MAML3: variants seen among roughly 807,000 people sequenced by gnomAD.
MAML3 encodes mastermind like transcriptional coactivator 3, also known as mastermind-like protein 3.
A neutral mutation model predicts 101.9 loss-of-function variants in MAML3; 27 were observed. The observed-to-expected ratio is 0.27, with a 90% CI of 0.20 to 0.37. The LOEUF is 0.37. Ranked by LOEUF, MAML3 falls within the 10% of genes least tolerant of loss-of-function variation. MAML3 has a pLI of 1.00. For synonymous variants in MAML3, 501 were observed against 555.9 expected, an observed-to-expected ratio of 0.90 and a Z score of 1.39; for missense variants, 1,316 against 1,444.9, an observed-to-expected ratio of 0.91 and a Z score of 1.45.
At chr4:139,906,133 T>A (rs1001609019) in intron 1 of MAML3, among the ~76,000 whole-genome samples, 1 of 152,122 alleles carries the variant, frequency 6.6e-6, no homozygotes, top group Non-Finnish European at 1.5e-5. Flanking sequence ...TATTTTGAGA[T>A]GGGGGGCGGG....
rs760325561 is a variant in MAML3 at position 139,890,875 on chromosome 4, C to T, written c.561G>A (p.Pro187=). ...QNGACDGNFS[P]TSKRIRKDIS... ...TGTCCTTTCGAATTCGTTTGCTAGTCGGAGAAAAATTCCCATCACAAGCAC... is the reference window on the plus strand; with the variant it reads ...TGTCCTTTCGAATTCGTTTGCTAGTTGGAGAAAAATTCCCATCACAAGCAC... The change falls in exon 2 of 5, where the codon CCG becomes CCA. Residue 187 remains proline (P), a synonymous_variant. Coordinates refer to ENST00000509479, the MANE Select transcript of MAML3 (RefSeq NM_018717.5). The surrounding 1 kb of genome is among the most constrained non-coding windows in gnomAD (Gnocchi z 4.1). 1.3e-5 allele frequency: 21 copies of T among 1,613,580 alleles called. No individual in the cohort carries two copies. The highest frequency in any genetic ancestry group is 8.8e-5 in the South Asian group (8 of 91,026).
chr4:140,095,069 G>T (rs1210558608), intron 1 of MAML3, among the ~76,000 whole-genome samples: 2 of 152,210 alleles, frequency 1.3e-5, no homozygotes. Flanking sequence ...GCCACCCACA[G>T]CCTTGGGGCT....
intron 1 of MAML3, among the ~76,000 whole-genome samples, chr4:140,070,861 A>C (rs1727639619): frequency 6.6e-6 from 1 of 152,166 alleles, no homozygotes; most frequent in South Asian, 2.1e-4. Flanking sequence ...ATTAAACATC[A>C]TTAGGAAGTA....
At chr4:139,797,288 G>A (rs756996471) in intron 2 of MAML3, among the ~76,000 whole-genome samples, 2 of 152,150 alleles carry the variant, frequency 1.3e-5, no homozygotes, top group Non-Finnish European at 2.9e-5. Context: ...CCATCTGAGC[G>A]AACATGTCAG....
chr4:139,840,808 G>A (rs763225617), intron 2 of MAML3, among the ~76,000 whole-genome samples: 1 of 152,160 alleles, frequency 6.6e-6, no homozygotes, highest in Admixed American at 6.5e-5. Context: ...GGTGGCCAGC[G>A]AGCCCTCACA....
intron 1 of MAML3, among the ~76,000 whole-genome samples, chr4:140,132,510 GA>G (rs1476689913): frequency 9.9e-5 from 15 of 152,210 alleles, no homozygotes; most frequent in Admixed American, 9.8e-4. Flanking sequence ...GAGGCTATTA[GA>G]AAAAGGTTAA....
chr4:140,043,927 C>T (rs550434315), intron 1 of MAML3, among the ~76,000 whole-genome samples: 8 of 152,094 alleles, frequency 5.3e-5, no homozygotes, highest in South Asian at 2.1e-4. Context: ...AAGTAAGCAG[C>T]GTCTTTTAAT....
chr4:139,849,016 A>G lies in MAML3; in HGVS notation c.2079+40341T>C, dbSNP rs980659457. 7.2e-5 allele frequency among the ~76,000 whole-genome samples: 11 copies of G among 152,184 alleles called. 1 individual carries two copies. Among genetic ancestry groups the G allele is most frequent in the African/African-American group, 2.7e-4 (11 of 41,452 alleles). On this transcript the variant is annotated intron_variant, in intron 2 of 4. Coordinates refer to ENST00000509479, the MANE Select transcript of MAML3 (RefSeq NM_018717.5). ...TTGTTTCTTTCCCTTCTTGCTCAGC[A>G]ATCTCTATGTCCCCTTTTCACTGCT...
intron 1 of MAML3, among the ~76,000 whole-genome samples, chr4:140,100,923 G>A (rs147952548): frequency 2.8e-4 from 42 of 152,204 alleles, no homozygotes; most frequent in African/African-American, 1.0e-3. Context: ...GGAACCCTGG[G>A]CTTCCCTGTA....
intron 1 of MAML3, among the ~76,000 whole-genome samples, chr4:139,989,462 T>C (rs1734617356): frequency 6.6e-6 from 1 of 152,164 alleles, no homozygotes; most frequent in Non-Finnish European, 1.5e-5. Context: ...ACCCGTATCA[T>C]GCAAATCTGG....
At chr4:139,953,638 A>G (rs1733867721) in intron 1 of MAML3, among the ~76,000 whole-genome samples, 1 of 152,224 alleles carries the variant, frequency 6.6e-6, no homozygotes, top group Admixed American at 6.5e-5. Flanking sequence ...AAAACAAAAC[A>G]CAAGTTCTAA....
At position 139,731,461 on chromosome 4, in the gene MAML3, A is replaced by AAAT. The variant is rs1212260930; in HGVS notation, c.2080-795_2080-794insATT. On this transcript the variant is annotated intron_variant, in intron 2 of 4. Coordinates refer to ENST00000509479, the MANE Select transcript of MAML3 (RefSeq NM_018717.5). ...AAAAAAAAAAAAAAAAAAAAAAAAA[A>AAAT]AAAAAAATTAGCCAGACATGGTGGT... 7.3e-5 allele frequency: 12 copies of AAAT among 165,346 alleles called. 1 individual carries two copies. The highest frequency in any genetic ancestry group is 2.6e-4 in the Admixed American group (4 of 15,246). The allele number at this position is 165,346 out of a possible 1,614,324, so 10.2% of individuals were successfully genotyped here.
chr4:139,815,471 TAAAAG>T (rs1246250856), intron 2 of MAML3, among the ~76,000 whole-genome samples: 2 of 152,130 alleles, frequency 1.3e-5, no homozygotes, highest in Admixed American at 6.5e-5. Flanking sequence ...TTCTATTTTA[TAAAAG>T]AAAAGACACA....
At chr4:139,770,719 G>A (rs1375176668) in intron 2 of MAML3, among the ~76,000 whole-genome samples, 1 of 152,202 alleles carries the variant, frequency 6.6e-6, no homozygotes, top group African/African-American at 2.4e-5. Context: ...GTAGCCCTCA[G>A]CCCAAAGGTG....
intron 3 of MAML3, among the ~76,000 whole-genome samples, chr4:139,728,539 A>G (rs1200910598): frequency 6.6e-6 from 1 of 152,192 alleles, no homozygotes; most frequent in Non-Finnish European, 1.5e-5. Context: ...GGTTTTTCCA[A>G]AATCACATCA....
At chr4:139,788,763 C>T (rs976288229) in intron 2 of MAML3, among the ~76,000 whole-genome samples, 1 of 152,334 alleles carries the variant, frequency 6.6e-6, no homozygotes, top group South Asian at 2.1e-4. Flanking sequence ...GTTCCTAGAA[C>T]AGAAGTTCTG....
intron 1 of MAML3, among the ~76,000 whole-genome samples, chr4:139,948,999 G>T (rs973087682): frequency 2.0e-5 from 3 of 151,934 alleles, no homozygotes; most frequent in African/African-American, 7.3e-5. Context: ...ATACAAAAGT[G>T]GTAGTAGAAA....
chr4:139,944,030 C>T (rs964718220), intron 1 of MAML3, among the ~76,000 whole-genome samples: 1 of 151,766 alleles, frequency 6.6e-6, no homozygotes, highest in African/African-American at 2.4e-5. Flanking sequence ...GCCACCACAC[C>T]CGACTAATAT....
intron 1 of MAML3, among the ~76,000 whole-genome samples, chr4:140,055,485 T>C (rs1358815490): frequency 2.6e-5 from 4 of 152,266 alleles, no homozygotes; most frequent in Non-Finnish European, 5.9e-5. Context: ...TTGCTGTCAC[T>C]AATCAGCTGC....
Sources: allele counts gnomAD v4.1 joint callset (sites outside exome capture counted in the v4.1 genomes callset), GRCh38; gene constraint gnomAD v4.1.1; non-coding constraint Gnocchi (gnomAD v3.1); transcripts MANE v1.5; gene names NCBI Gene and HGNC (gene_info 2026-07-23, HGNC 2026-07-21).